The following VSTM2L variants were observed in gnomAD, a reference collection of about 807,000 sequenced individuals.
The protein encoded by VSTM2L is V-set and transmembrane domain containing 2 like.
A neutral mutation model predicts 19.9 loss-of-function variants in VSTM2L; 9 were observed. The ratio of observed to expected loss-of-function variants is 0.45; its 90% confidence interval spans 0.27 to 0.79. The LOEUF (loss-of-function observed/expected upper bound fraction) is 0.79. Ranked by LOEUF, VSTM2L falls within the 30% of genes least tolerant of loss-of-function variation. The pLI is 0.15. For missense variants in VSTM2L, 286 were observed against 295.5 expected (o/e 0.97, Z 0.24); for synonymous variants, 127 against 133.8 (o/e 0.95, Z 0.35).
At chr20:37,941,847 A>C (rs1285454915) in intron 3 of VSTM2L, among the ~76,000 whole-genome samples, 1 of 150,678 alleles carries the variant, frequency 6.6e-6, no homozygotes, top group Non-Finnish European at 1.5e-5. Flanking sequence ...CCAGGAAAGG[A>C]AAGAAGCCCC....
At position 37,928,041 on chromosome 20, in the gene VSTM2L, C is replaced by A. The variant is rs145868262; in HGVS notation, c.122-3594C>A. Among the ~76,000 whole-genome samples the A allele has an allele frequency of 3.5e-3, 529 of 152,318 alleles. 5 individuals are homozygous for A. The highest frequency in any genetic ancestry group is 0.012 in the African/African-American group (505 of 41,562). ...GGAAGAGGGGAAGTGGAGGCACTCT[C>A]TGATTTCCGTGGCTCAGGCAATGGC... is the stretch of plus-strand genomic sequence containing the variant. On this transcript the variant is annotated intron_variant, in intron 1 of 3. Coordinates refer to ENST00000373461, the MANE Select transcript of VSTM2L (RefSeq NM_080607.3).
chr20:37,926,208 C>T (rs1007720228), intron 1 of VSTM2L, among the ~76,000 whole-genome samples: 10 of 152,142 alleles, frequency 6.6e-5, no homozygotes, highest in Non-Finnish European at 8.8e-5. Flanking sequence ...ATTACAGGTA[C>T]CTGCCACCAC....
intron 1 of VSTM2L, among the ~76,000 whole-genome samples, chr20:37,921,627 G>A (rs1040092064): frequency 6.6e-6 from 1 of 151,966 alleles, no homozygotes; most frequent in Admixed American, 6.6e-5. Context: ...GAAATAAAAT[G>A]AGCAAACATG....
At chr20:37,924,205 G>A (rs2072867477) in intron 1 of VSTM2L, among the ~76,000 whole-genome samples, 1 of 152,202 alleles carries the variant, frequency 6.6e-6, no homozygotes, top group African/African-American at 2.4e-5. Flanking sequence ...TCACTGCCAT[G>A]TTCGTGCCAC....
chr20:37,936,203 A>G (rs2072939117), intron 3 of VSTM2L, among the ~76,000 whole-genome samples: 1 of 151,904 alleles, frequency 6.6e-6, no homozygotes, highest in Non-Finnish European at 1.5e-5. Context: ...GTTGGTGTGG[A>G]TCCCATGTCT....
At chr20:37,908,316 T>A (rs899918682) in intron 1 of VSTM2L, among the ~76,000 whole-genome samples, 1 of 152,056 alleles carries the variant, frequency 6.6e-6, no homozygotes, top group Non-Finnish European at 1.5e-5. Flanking sequence ...GGGAGTCGGG[T>A]AAGTGACCCC....
At chr20:37,917,073 G>A (rs1407575347) in intron 1 of VSTM2L, among the ~76,000 whole-genome samples, 1 of 152,150 alleles carries the variant, frequency 6.6e-6, no homozygotes, top group South Asian at 2.1e-4. Context: ...CAGCACTTCT[G>A]GAGGCCAAGA....
At chr20:37,939,374 C>T (rs1435367868) in intron 3 of VSTM2L, among the ~76,000 whole-genome samples, 3 of 151,768 alleles carry the variant, frequency 2.0e-5, no homozygotes, top group African/African-American at 4.8e-5. Context: ...GCCATGATCA[C>T]GCCAGGGCAC....
At chr20:37,903,667 C>T (rs1414801959) in intron 1 of VSTM2L, among the ~76,000 whole-genome samples, 196 bp downstream of exon 1, 1 of 152,216 alleles carries the variant, frequency 6.6e-6, no homozygotes, top group African/African-American at 2.4e-5. Context: ...CACCCCCGAA[C>T]CTCCTCCCCA....
chr20:37,932,354 G>C (rs2072915527), intron 2 of VSTM2L, among the ~76,000 whole-genome samples: 1 of 152,276 alleles, frequency 6.6e-6, no homozygotes, highest in African/African-American at 2.4e-5. Context: ...TCTGCCCCAT[G>C]CCTGGTGTGC....
intron 3 of VSTM2L, among the ~76,000 whole-genome samples, chr20:37,941,146 A>G (rs1047308189): frequency 6.6e-6 from 1 of 152,224 alleles, no homozygotes; most frequent in Admixed American, 6.5e-5. Context: ...GGGCTCTGTG[A>G]TAACCACTCA....
chr20:37,941,766 G>C (rs1600576602), intron 3 of VSTM2L, among the ~76,000 whole-genome samples: 1 of 151,614 alleles, frequency 6.6e-6, no homozygotes, highest in East Asian at 2.0e-4. Context: ...GCTGAGAACT[G>C]ATCTCCACTG....
chr20:37,913,191 T>C (rs1488731211), intron 1 of VSTM2L, among the ~76,000 whole-genome samples: 1 of 152,208 alleles, frequency 6.6e-6, no homozygotes, highest in Non-Finnish European at 1.5e-5. Context: ...GGTTACTAAT[T>C]TTTTTGGAAG....
At chr20:37,935,637 C>T (rs1430305997) in intron 3 of VSTM2L, among the ~76,000 whole-genome samples, 3 of 152,126 alleles carry the variant, frequency 2.0e-5, no homozygotes, top group Non-Finnish European at 4.4e-5. Flanking sequence ...CCAGCTGGCG[C>T]CCCTCCCATT....
At chr20:37,925,911 C>T (rs2072876668) in intron 1 of VSTM2L, among the ~76,000 whole-genome samples, 1 of 152,218 alleles carries the variant, frequency 6.6e-6, no homozygotes, top group Admixed American at 6.5e-5. Flanking sequence ...AAGGCGAGGG[C>T]AACACCTCCT....
Position 37,929,802 on chromosome 20 carries a change from G to A in VSTM2L, c.122-1833G>A, listed in dbSNP as rs1413169314. On this transcript the variant is annotated intron_variant, in intron 1 of 3. Coordinates refer to ENST00000373461, the MANE Select transcript of VSTM2L (RefSeq NM_080607.3). ...CTTGAAGACTGAATGTGGGAAGGGAGAGTGGAGGGAGGGAGCCCAGGGTGA... is the reference window on the plus strand; with the variant it reads ...CTTGAAGACTGAATGTGGGAAGGGAAAGTGGAGGGAGGGAGCCCAGGGTGA... Among the ~76,000 whole-genome samples the A allele has an allele frequency of 2.6e-5, 4 of 152,132 alleles. No homozygotes were observed. The South Asian group carries it at 8.3e-4, about 32-fold the overall frequency.
At chr20:37,920,152 A>G (rs773736284) in intron 1 of VSTM2L, among the ~76,000 whole-genome samples, 11 of 152,224 alleles carry the variant, frequency 7.2e-5, no homozygotes, top group Non-Finnish European at 1.3e-4. Flanking sequence ...AGCCAGCAGA[A>G]ACAGGGAAGT....
intron 1 of VSTM2L, among the ~76,000 whole-genome samples, chr20:37,907,896 T>C (rs2072759520): frequency 6.6e-6 from 1 of 152,214 alleles, no homozygotes; most frequent in South Asian, 2.1e-4. Context: ...TCTGGCTTCC[T>C]CGCATTCCTT....
chr20:37,911,257 A>AAAAAAG (rs1555839035), intron 1 of VSTM2L, among the ~76,000 whole-genome samples: 2 of 131,638 alleles, frequency 1.5e-5, no homozygotes, highest in African/African-American at 6.8e-5. Context: ...AAAAAAAAAA[A>AAAAAAG]AAGCTGGGAT....
Sources: gnomAD v4.1 joint callset for allele counts (sites outside exome capture counted in the v4.1 genomes callset) on GRCh38, gnomAD v4.1.1 for gene constraint, MANE v1.5 for transcripts, NCBI Gene and HGNC (gene_info 2026-07-23, HGNC 2026-07-21) for gene names.